Variants in FGF14 observed in about 807,000 individuals in gnomAD.
FGF14 encodes fibroblast growth factor homologous factor 4.
Under a neutral mutation model 25.5 loss-of-function variants are expected in FGF14, and 5 were observed. That is an observed-to-expected ratio of 0.20 (90% CI 0.10 to 0.41). The LOEUF (loss-of-function observed/expected upper bound fraction) is 0.41. Ranked by LOEUF, FGF14 falls within the 10% of genes least tolerant of loss-of-function variation. The pLI is 1.00. For missense variants in FGF14, 222 were observed against 320.1 expected (o/e 0.69, Z 2.34); for synonymous variants, 138 against 118.3 (o/e 1.17, Z -1.08).
Position 101,714,563 on chromosome 13 carries a change from A to G in FGF14, c.*8268T>C, listed in dbSNP as rs1226633794. On this transcript the variant is annotated 3_prime_UTR_variant, in exon 5 of 5. Transcript: ENST00000376143. ...TCTCATTTGTACAGGTGCAGTATTAACCTTTTCTAATTGCTCTATGCCACA... is the reference window on the plus strand; with the variant it reads ...TCTCATTTGTACAGGTGCAGTATTAGCCTTTTCTAATTGCTCTATGCCACA... 6.9e-7 allele frequency: 1 copy of G among 1,451,268 alleles called. No individual in the cohort carries two copies. The highest frequency in any genetic ancestry group is 2.3e-5 in the East Asian group (1 of 44,026). 89.9% of individuals were successfully genotyped at this position (1,451,268 alleles called of 1,614,324 possible).
chr13:102,224,085 T>C (rs139324992), intron 1 of FGF14, among the ~76,000 whole-genome samples: 1 of 152,260 alleles, frequency 6.6e-6, no homozygotes, highest in East Asian at 1.9e-4. Context: ...TTGTAACTAA[T>C]AAAGATATTT....
chr13:101,875,246 A>G lies in FGF14; in HGVS notation c.244T>C (p.Tyr82His). ...VTRLYCRQGY[Y>H]LQMHPDGALD... is the part of the protein sequence containing the mutation. ...GCTCCATCGGGGTGCATTTGCAAGT[A>G]GTAGCCTTGCCTGCAATATAACCTG... Residue 82 changes from tyrosine (Y) to histidine (H), a missense_variant, in exon 2 of 5, where the codon TAC (tyrosine) becomes CAC (histidine). This residue lies in a region of FGF14 where 50 missense variants were observed against 75.2 expected (regional missense o/e 0.66). Transcript: ENST00000376143. 2 of 1,613,524 alleles carry G rather than the reference A, an allele frequency of 1.2e-6. No individual in the cohort carries two copies. Among genetic ancestry groups the G allele is most frequent in the Non-Finnish European group, 1.7e-6 (2 of 1,179,562 alleles).
intron 1 of FGF14, among the ~76,000 whole-genome samples, chr13:102,236,274 G>A (rs1025882370): frequency 5.9e-5 from 9 of 152,208 alleles, no homozygotes; most frequent in African/African-American, 1.9e-4. Flanking sequence ...CCTCTCTTGG[G>A]GTCTGGATCA....
rs367544906 is a variant in FGF14, at chr13:102,212,925, A to AC, written c.208+188545dup. ...ATAAAGTCTGTGACTCCACTTCCCC[A>AC]CCCCCCACAGTGCAAAACACTTAGC... On this transcript the variant is annotated intron_variant, in intron 1 of 4. Coordinates refer to the FGF14 transcript ENST00000376131. 1.2e-3 allele frequency among the ~76,000 whole-genome samples: 179 copies of AC among 151,904 alleles called. 2 individuals carry two copies. The highest frequency in any genetic ancestry group is 4.0e-3 in the African/African-American group (166 of 41,386).
At chr13:101,930,786 A>G (rs78354133) in intron 1 of FGF14, among the ~76,000 whole-genome samples, 269 of 152,340 alleles carry the variant, frequency 1.8e-3, no homozygotes, top group African/African-American at 6.3e-3. Flanking sequence ...GCTTCCATAT[A>G]GAGTTCCAGA....
intron 1 of FGF14, among the ~76,000 whole-genome samples, chr13:102,032,528 G>A (rs2139943523): frequency 6.6e-6 from 1 of 152,230 alleles, no homozygotes; most frequent in South Asian, 2.1e-4. Flanking sequence ...ATCTTCCTAT[G>A]GCATTTGGAA....
intron 3 of FGF14, among the ~76,000 whole-genome samples, chr13:101,787,948 TGCAAC>T (rs2039944875): frequency 6.6e-6 from 1 of 152,220 alleles, no homozygotes; most frequent in South Asian, 2.1e-4. Context: ...TTCACCTCAC[TGCAAC>T]CTCCGCCTCC....
intron 1 of FGF14, among the ~76,000 whole-genome samples, chr13:102,038,562 T>TA (rs2041583313): frequency 6.6e-6 from 1 of 152,160 alleles, no homozygotes; most frequent in African/African-American, 2.4e-5. Flanking sequence ...TTTCAACAAA[T>TA]GTATTAAGCA....
chr13:102,274,113 G>A lies in FGF14; in HGVS notation c.208+127358C>T, dbSNP rs184343326. Among the ~76,000 whole-genome samples the A allele has an allele frequency of 5.3e-5, 8 of 152,266 alleles. No individual in the cohort carries two copies. The East Asian group carries it at 1.2e-3, about 22-fold the overall frequency. The stretch of plus-strand genomic sequence containing the variant: ...ATATCATGTGGAAAACTGCTGGCAC[G>A]TAGCAAATGTTCTATCGTGGATCTG... On this transcript the variant is annotated intron_variant, in intron 1 of 4. Coordinates refer to the FGF14 transcript ENST00000376131.
chr13:102,339,888 C>G (rs543681737), intron 1 of FGF14, among the ~76,000 whole-genome samples: 2 of 152,124 alleles, frequency 1.3e-5, no homozygotes, highest in African/African-American at 4.8e-5. Flanking sequence ...AAGGACCACA[C>G]CATCTAAAGT....
At chr13:101,801,891 A>T in intron 3 of FGF14, 1 of 398,782 alleles carries the variant, frequency 2.5e-6, no homozygotes, top group South Asian at 2.2e-5. Flanking sequence ...GCTAAAGGTG[A>T]CACCAAGAAA....
chr13:102,235,873 G>C (rs2051305741), intron 1 of FGF14, among the ~76,000 whole-genome samples: 1 of 152,206 alleles, frequency 6.6e-6, no homozygotes, highest in Non-Finnish European at 1.5e-5. Flanking sequence ...TCAGGGAACA[G>C]ATTCGTAATA....
At chr13:102,079,118 T>C (rs1278330469) in intron 1 of FGF14, among the ~76,000 whole-genome samples, 2 of 152,272 alleles carry the variant, frequency 1.3e-5, no homozygotes, top group South Asian at 2.1e-4. Context: ...AGGGAGCCCT[T>C]AGGTAGTTAA....
At chr13:101,960,657 G>GTA (rs1566497654) in intron 1 of FGF14, among the ~76,000 whole-genome samples, 2 of 152,076 alleles carry the variant, frequency 1.3e-5, no homozygotes, top group Non-Finnish European at 2.9e-5. Context: ...GAACATACAC[G>GTA]TATATATATC....
chr13:102,204,306 A>AAC (rs1030061080), intron 1 of FGF14, among the ~76,000 whole-genome samples: 42 of 151,988 alleles, frequency 2.8e-4, no homozygotes, highest in East Asian at 1.9e-3. Context: ...GGAAGAAACA[A>AAC]ACACACACAC....
chr13:102,369,997 C>CTTT (rs200355754), intron 1 of FGF14, among the ~76,000 whole-genome samples: 2 of 146,304 alleles, frequency 1.4e-5, no homozygotes, highest in South Asian at 4.3e-4. Context: ...TAGAATAAAT[C>CTTT]TTTTTTTTTT....
intron 1 of FGF14, among the ~76,000 whole-genome samples, chr13:102,166,836 C>G (rs2048032897): frequency 6.6e-6 from 1 of 152,148 alleles, no homozygotes; most frequent in Non-Finnish European, 1.5e-5. Flanking sequence ...CGGAGATTCA[C>G]AAGAACCTAG....
intron 1 of FGF14, among the ~76,000 whole-genome samples, chr13:102,239,040 G>C (rs2051460207): frequency 6.6e-6 from 1 of 151,760 alleles, no homozygotes; most frequent in Non-Finnish European, 1.5e-5. Flanking sequence ...ACACTTCACT[G>C]CAGCTGAGGA....
intron 1 of FGF14, among the ~76,000 whole-genome samples, chr13:101,969,743 T>C (rs2037481244): frequency 6.6e-6 from 1 of 152,194 alleles, no homozygotes; most frequent in Non-Finnish European, 1.5e-5. Context: ...AGTAGAAAAG[T>C]GGCATCCAAT....
Sources: allele counts gnomAD v4.1 joint callset (sites outside exome capture counted in the v4.1 genomes callset), GRCh38; gene constraint gnomAD v4.1.1; regional missense constraint gnomAD v4.1.1; transcripts MANE v1.5; gene names NCBI Gene and HGNC (gene_info 2026-07-23, HGNC 2026-07-21).